STARD13: variants seen among roughly 807,000 people sequenced by gnomAD.
The protein encoded by STARD13 is StAR related lipid transfer domain containing 13.
Under a neutral mutation model 106.4 loss-of-function variants are expected in STARD13, and 62 were observed. The ratio of observed to expected loss-of-function variants is 0.58; its 90% CI spans 0.48 to 0.72. STARD13 has a LOEUF of 0.72. Ranked by LOEUF, STARD13 falls within the 30% of genes least tolerant of loss-of-function variation. The pLI, the probability that STARD13 is intolerant of heterozygous loss-of-function variation, is 0.00. For missense variants in STARD13, 1,387 were observed against 1,424.0 expected, an observed-to-expected ratio of 0.97 and a Z score of 0.42; for synonymous variants, 565 against 553.0, an observed-to-expected ratio of 1.02 and a Z score of -0.31.
chr13:33,661,650 C>T, the STARD13 span, among the ~76,000 whole-genome samples: 68 of 152,236 alleles, frequency 4.5e-4, no homozygotes, highest in African/African-American at 7.0e-4. Flanking sequence ...AAATGCCATG[C>T]GCTTATAAAA....
intron 1 of STARD13, among the ~76,000 whole-genome samples, chr13:33,198,125 G>A (rs1222754282): frequency 2.0e-5 from 3 of 152,300 alleles, no homozygotes; most frequent in East Asian, 1.9e-4. Context: ...CCGAGATCAC[G>A]CCACTGCACT....
the STARD13 span, among the ~76,000 whole-genome samples, chr13:33,476,632 G>C: frequency 6.6e-6 from 1 of 152,106 alleles, no homozygotes; most frequent in Admixed American, 6.5e-5. Context: ...GATGCTTTTG[G>C]ACACTAGAAT....
chr13:33,301,924 T>G (rs921127036), intron 1 of STARD13, among the ~76,000 whole-genome samples: 25 of 152,258 alleles, frequency 1.6e-4, no homozygotes, highest in African/African-American at 5.8e-4. Flanking sequence ...TTCTTAAATT[T>G]TTCTCAGAAT....
At chr13:33,256,257 G>T (rs1485984670) in intron 1 of STARD13, among the ~76,000 whole-genome samples, 1 of 152,196 alleles carries the variant, frequency 6.6e-6, no homozygotes, top group Non-Finnish European at 1.5e-5. Context: ...GGTCAATGAT[G>T]TGCATTTCAT....
intron 1 of STARD13, among the ~76,000 whole-genome samples, chr13:33,233,036 C>A (rs941077735): frequency 1.3e-5 from 2 of 152,352 alleles, no homozygotes; most frequent in South Asian, 2.1e-4. Flanking sequence ...CTAGACCAAA[C>A]CCCTGGCACT....
intron 1 of STARD13, among the ~76,000 whole-genome samples, chr13:33,228,151 C>A (rs561519266): frequency 2.0e-5 from 3 of 152,106 alleles, no homozygotes; most frequent in South Asian, 2.1e-4. Flanking sequence ...AAAAGCATGG[C>A]ACAGAAGCAT....
At chr13:33,428,270 G>A in the STARD13 span, among the ~76,000 whole-genome samples, 1 of 152,108 alleles carries the variant, frequency 6.6e-6, no homozygotes, top group African/African-American at 2.4e-5. Context: ...GTCTATGCAA[G>A]GATTTTTTTG....
the STARD13 span, among the ~76,000 whole-genome samples, chr13:33,668,011 G>A: frequency 1.1e-4 from 17 of 152,136 alleles, no homozygotes; most frequent in African/African-American, 3.9e-4. Context: ...TAAACAATCC[G>A]GTTGTTTCTG....
At chr13:33,242,498 A>G (rs974509221) in intron 1 of STARD13, among the ~76,000 whole-genome samples, 2 of 152,210 alleles carry the variant, frequency 1.3e-5, no homozygotes, top group Non-Finnish European at 2.9e-5. Flanking sequence ...CTAAGGGTTA[A>G]ATGGATTAAG....
the STARD13 span, among the ~76,000 whole-genome samples, chr13:33,664,473 C>T: frequency 6.6e-6 from 1 of 152,160 alleles, no homozygotes; most frequent in Non-Finnish European, 1.5e-5. Context: ...CCTTTTAATG[C>T]ATTCACAGTT....
chr13:33,393,288 C>T, the STARD13 span, among the ~76,000 whole-genome samples: 26 of 152,070 alleles, frequency 1.7e-4, no homozygotes, highest in South Asian at 5.4e-3. Context: ...TCCTGGGAAG[C>T]AGGAATGGAT....
At chr13:33,548,725 A>G in the STARD13 span, among the ~76,000 whole-genome samples, 15 of 152,212 alleles carry the variant, frequency 9.9e-5, no homozygotes, top group Admixed American at 9.8e-4. Flanking sequence ...CTGTTTTAAT[A>G]TGCATCTTAC....
intron 1 of STARD13, among the ~76,000 whole-genome samples, chr13:33,182,879 C>T (rs947481950): frequency 6.6e-6 from 1 of 152,218 alleles, no homozygotes; most frequent in Non-Finnish European, 1.5e-5. Context: ...ACCAGCCCAT[C>T]ACCACGGCCC....
At chr13:33,231,308 T>TCA (rs1277669941) in intron 1 of STARD13, among the ~76,000 whole-genome samples, 2 of 152,308 alleles carry the variant, frequency 1.3e-5, no homozygotes, top group African/African-American at 4.8e-5. Context: ...GGCCAGGCTC[T>TCA]CACTGTGCCA....
chr13:33,673,565 A>G, the STARD13 span, among the ~76,000 whole-genome samples: 2 of 101,608 alleles, frequency 2.0e-5, no homozygotes, highest in South Asian at 4.8e-4. Flanking sequence ...TTTTTTTGAG[A>G]CAGAGTCTCA....
chr13:33,329,794 C>T (rs1025875824), intron 1 of STARD13, among the ~76,000 whole-genome samples: 3 of 151,548 alleles, frequency 2.0e-5, no homozygotes, highest in Non-Finnish European at 4.4e-5. Context: ...ACCTCCACCT[C>T]CCGGGTCCCA....
intron 1 of STARD13, among the ~76,000 whole-genome samples, chr13:33,262,932 C>T (rs1282829131): frequency 6.6e-6 from 1 of 152,114 alleles, no homozygotes; most frequent in Non-Finnish European, 1.5e-5. Flanking sequence ...ACTCCAAGTC[C>T]TCTCTCTACA....
At chr13:33,255,013 C>T (rs1358294971) in intron 1 of STARD13, among the ~76,000 whole-genome samples, 1 of 152,176 alleles carries the variant, frequency 6.6e-6, no homozygotes, top group African/African-American at 2.4e-5. Context: ...CTGGATAACA[C>T]TCACACTATC....
chr13:33,671,866 A>G, the STARD13 span, among the ~76,000 whole-genome samples: 1 of 152,256 alleles, frequency 6.6e-6, no homozygotes, highest in Non-Finnish European at 1.5e-5. Flanking sequence ...TCAATTTCAA[A>G]TAATTTGCTT....
Sources: gnomAD v4.1 joint callset for allele counts (sites outside exome capture counted in the v4.1 genomes callset) on GRCh38, gnomAD v4.1.1 for gene constraint, MANE v1.5 for transcripts, NCBI Gene and HGNC (gene_info 2026-07-23, HGNC 2026-07-21) for gene names.